Variants in PCBP3 observed in about 807,000 individuals in gnomAD.
The protein encoded by PCBP3 is poly(rC)-binding protein 3.
A neutral mutation model predicts 52.7 loss-of-function variants in PCBP3; 25 were observed. That is an observed-to-expected ratio of 0.47 (90% confidence interval 0.35 to 0.66). PCBP3 has a LOEUF of 0.66. Ranked by LOEUF, PCBP3 falls within the 30% of genes least tolerant of loss-of-function variation. The pLI is 0.01. For missense variants in PCBP3, 391 were observed against 490.3 expected, an observed-to-expected ratio of 0.80 and a Z score of 1.91; for synonymous variants, 162 against 183.0, an observed-to-expected ratio of 0.89 and a Z score of 0.93.
intron 16 of PCBP3, 141 bp from the exon 17 acceptor site, chr21:45,939,889 C>T (rs2077271898): frequency 1.4e-6 from 1 of 718,348 alleles, no homozygotes; most frequent in African/African-American, 1.8e-5. Context: ...GGCGGGGCCT[C>T]TCCGGGGTGT....
At chr21:45,801,839 T>C (rs1462898195) in intron 4 of PCBP3, among the ~76,000 whole-genome samples, 3 of 152,224 alleles carry the variant, frequency 2.0e-5, no homozygotes, top group African/African-American at 7.2e-5. Flanking sequence ...AGTGTGGAAA[T>C]AGAAAAACAG....
intron 5 of PCBP3, among the ~76,000 whole-genome samples, chr21:45,851,643 G>GA (rs1569315196): frequency 1.8e-3 from 202 of 113,962 alleles, no homozygotes; most frequent in African/African-American, 5.3e-3. Flanking sequence ...AGATAGATAG[G>GA]TAAAGAAATA....
At chr21:45,795,403 A>G (rs1055150579) in intron 4 of PCBP3, among the ~76,000 whole-genome samples, 1 of 143,544 alleles carries the variant, frequency 7.0e-6, no homozygotes, top group Non-Finnish European at 1.5e-5. Flanking sequence ...CATGTATTTG[A>G]TTTTATAGAA....
chr21:45,762,544 C>CA (rs1409287827), intron 4 of PCBP3: 1 of 140,118 alleles, frequency 7.1e-6, no homozygotes, highest in Non-Finnish European at 1.5e-5. Context: ...GGCTGGAGTG[C>CA]AGTGGCATGA....
chr21:45,669,578 A>G (rs1429655706), intron 2 of PCBP3, among the ~76,000 whole-genome samples: 9 of 151,838 alleles, frequency 5.9e-5, no homozygotes, highest in African/African-American at 4.8e-5. Flanking sequence ...CACATTAAAC[A>G]ATAACTCCCT....
chr21:45,696,620 A>G (rs1259012910), intron 2 of PCBP3, among the ~76,000 whole-genome samples: 1 of 152,188 alleles, frequency 6.6e-6, no homozygotes, highest in East Asian at 1.9e-4. Context: ...GTGGAACCCC[A>G]TCTCTACTGA....
At chr21:45,747,071 A>G (rs2086960335) in intron 3 of PCBP3, among the ~76,000 whole-genome samples, 1 of 152,220 alleles carries the variant, frequency 6.6e-6, no homozygotes, top group South Asian at 2.1e-4. Context: ...GTAATTTATA[A>G]AGAAAAAGAG....
Position 45,784,335 on chromosome 21 carries a change from G to GCTCTACCTCTAC in PCBP3, c.-126+28933_-126+28944dup, listed in dbSNP as rs1209477660. On this transcript the variant is annotated intron_variant, in intron 4 of 17. Transcript: ENST00000681687. ...CCACCAGGGAATGTTAATAGTGACA[G>GCTCTACCTCTAC]CTCTACCTCTACCTCTACCTCTACC... Among the ~76,000 whole-genome samples the GCTCTACCTCTAC allele has an allele frequency of 2.0e-3, 211 of 105,830 alleles. 2 individuals are homozygous for GCTCTACCTCTAC. The highest frequency in any genetic ancestry group is 4.1e-3 in the Middle Eastern group (1 of 246). The allele number at this position is 105,830 out of a possible 152,430, so 69.4% of individuals were successfully genotyped here.
intron 5 of PCBP3, among the ~76,000 whole-genome samples, chr21:45,852,980 C>G (rs898652924): frequency 1.3e-5 from 2 of 152,246 alleles, no homozygotes; most frequent in African/African-American, 4.8e-5. Flanking sequence ...AAACTCACTT[C>G]TTGTCTGAGA....
At chr21:45,662,644 C>T (rs751912870) in intron 1 of PCBP3, among the ~76,000 whole-genome samples, 27 of 151,910 alleles carry the variant, frequency 1.8e-4, no homozygotes, top group Non-Finnish European at 2.8e-4. Context: ...AGTAATTACT[C>T]TTTATTCAAA....
intron 4 of PCBP3, among the ~76,000 whole-genome samples, chr21:45,832,160 C>T (rs547590932): frequency 9.9e-5 from 15 of 152,158 alleles, no homozygotes; most frequent in South Asian, 2.1e-4. Context: ...GAAAGGCATG[C>T]GCAATTCCTG....
chr21:45,676,131 T>C (rs1479940793), intron 2 of PCBP3, among the ~76,000 whole-genome samples: 1 of 152,208 alleles, frequency 6.6e-6, no homozygotes, highest in East Asian at 1.9e-4. Flanking sequence ...GTTTTTACTT[T>C]AAAGAACAAC....
chr21:45,867,343 C>T (rs1374051629), intron 5 of PCBP3, among the ~76,000 whole-genome samples: 2 of 152,198 alleles, frequency 1.3e-5, no homozygotes, highest in Non-Finnish European at 2.9e-5. Context: ...TAGAAATGAA[C>T]GTACAGCTGC....
rs2093379383 is a variant in PCBP3 at position 45,829,019 on chromosome 21, A to G, written c.-125-20942A>G. On this transcript the variant is annotated intron_variant, in intron 4 of 17. Transcript: ENST00000681687. This position sits in a 1 kb window ranked among gnomAD's most constrained non-coding sequence, Gnocchi z 5.2. ...TTCCCACATTTCACAGGTCGAACTT[A>G]CCAGGTGAAGCTGGATTACTTCCCG... 6.6e-6 allele frequency: 1 copy of G among 152,286 alleles called. No homozygotes were observed. The highest frequency in any genetic ancestry group is 1.5e-5 in the Non-Finnish European group (1 of 68,116). 9.4% of individuals were successfully genotyped at this position (152,286 alleles called of 1,614,324 possible). A position where few individuals can be genotyped will look rare whatever the true frequency, so the allele number is the denominator to read the frequency against.
At chr21:45,822,157 C>T (rs1225410165) in intron 4 of PCBP3, among the ~76,000 whole-genome samples, 4 of 152,144 alleles carry the variant, frequency 2.6e-5, no homozygotes, top group South Asian at 4.1e-4. Flanking sequence ...GCCATTTGCT[C>T]GTTTGACCCT....
At chr21:45,738,257 G>GTT (rs1272471500) in intron 3 of PCBP3, among the ~76,000 whole-genome samples, 106 of 139,916 alleles carry the variant, frequency 7.6e-4, no homozygotes, top group East Asian at 3.1e-3. Flanking sequence ...GCTTCTTAGA[G>GTT]TTTTTTTTTT....
Position 45,736,423 on chromosome 21 carries a change from C to T in PCBP3, c.-162+994C>T, listed in dbSNP as rs1225928195. The stretch of plus-strand genomic sequence containing the variant: ...CTTCCTGGTGTGCTTGATGGCAGCC[C>T]TGGGCTGCTGTGAGGTCCTGAGCAC... On this transcript the variant is annotated intron_variant, in intron 3 of 17. Transcript: ENST00000681687. The surrounding 1 kb of genome is among the most constrained non-coding windows in gnomAD (Gnocchi z 4.6). 1.3e-5 allele frequency among the ~76,000 whole-genome samples: 2 copies of T among 152,230 alleles called. No homozygotes were observed. Among genetic ancestry groups the T allele is most frequent in the African/African-American group, 4.8e-5 (2 of 41,460 alleles).
At chr21:45,713,373 T>G (rs2083985488) in intron 2 of PCBP3, among the ~76,000 whole-genome samples, 1 of 152,202 alleles carries the variant, frequency 6.6e-6, no homozygotes, top group African/African-American at 2.4e-5. Flanking sequence ...GATGAGCCGC[T>G]GGCCTTGCTC....
intron 4 of PCBP3, among the ~76,000 whole-genome samples, chr21:45,804,884 TC>T (rs756957973): frequency 3.3e-5 from 5 of 151,844 alleles, no homozygotes; most frequent in Non-Finnish European, 7.4e-5. Context: ...CAGGCCGTGT[TC>T]CTGGGAGTCA....
Sources: allele counts gnomAD v4.1 joint callset (sites outside exome capture counted in the v4.1 genomes callset), GRCh38; gene constraint gnomAD v4.1.1; non-coding constraint Gnocchi (gnomAD v3.1); transcripts MANE v1.5; gene names NCBI Gene and HGNC (gene_info 2026-07-23, HGNC 2026-07-21).